The following INSR variants were observed in gnomAD, a reference collection of about 807,000 sequenced individuals.
INSR encodes IR.
A neutral mutation model predicts 142.6 loss-of-function variants in INSR; 67 were observed. That is an observed-to-expected ratio of 0.47 (90% CI 0.39 to 0.58). The LOEUF (loss-of-function observed/expected upper bound fraction) is 0.58. INSR is among the 20% of genes least tolerant of loss of function. INSR has a pLI of 0.00. For synonymous variants in INSR, 756 were observed against 743.1 expected, an observed-to-expected ratio of 1.02 and a Z score of -0.28; for missense variants, 1,248 against 1,833.2, an observed-to-expected ratio of 0.68 and a Z score of 5.83.
At chr19:7,249,715 G>A (rs937231025) in intron 2 of INSR, among the ~76,000 whole-genome samples, 2 of 152,136 alleles carry the variant, frequency 1.3e-5, no homozygotes, top group Non-Finnish European at 2.9e-5. Flanking sequence ...ATTAGCGGCT[G>A]GGCGCGGTGG....
intron 9 of INSR, among the ~76,000 whole-genome samples, chr19:7,160,530 C>T (rs894687100): frequency 2.6e-5 from 4 of 151,916 alleles, no homozygotes; most frequent in Non-Finnish European, 5.9e-5. Flanking sequence ...GAGGCTGAGG[C>T]GGGAAGATCG....
rs1209879174 is a variant in INSR, at chr19:7,274,841, T to C, written c.101-6945A>G. 2.0e-5 allele frequency among the ~76,000 whole-genome samples: 3 copies of C among 151,492 alleles called. No homozygotes were observed. The East Asian group carries it at 5.8e-4, about 29-fold the overall frequency. On this transcript the variant is annotated intron_variant, in intron 1 of 21. Transcript: ENST00000302850. ...AAAAAAATTGATTTGTCTATGTAGA[T>C]TTTATAAAGAGTATCATCGAAAATG...
chr19:7,126,517 A>T, intron 16 of INSR, 67 bp downstream of exon 16: 1 of 1,371,344 alleles, frequency 7.3e-7, no homozygotes, highest in Non-Finnish European at 1.0e-6. Flanking sequence ...ACTCTCACTC[A>T]ATGGTGAAGG....
rs980175653 is a variant in INSR at position 7,166,529 on chromosome 19, C to T, written c.1611-125G>A. The T allele has an allele frequency of 7.4e-6, 8 of 1,085,684 alleles. No homozygotes were observed. In the East Asian group the frequency reaches 7.7e-5, roughly 10 times the overall value. The allele number at this position is 1,085,684 out of a possible 1,614,324, so 67.3% of individuals were successfully genotyped here. On this transcript the variant is annotated intron_variant, in intron 7 of 21. Transcript: ENST00000302850. This position sits in a 1 kb window ranked among gnomAD's most constrained non-coding sequence, Gnocchi z 4.1. ...TGTTACTCACCCAACAATCTAATGC[C>T]ACAAGAAAAAATAACTCGGGAACAG...
intron 2 of INSR, among the ~76,000 whole-genome samples, chr19:7,241,558 G>A (rs1319888018): frequency 3.3e-5 from 5 of 152,004 alleles, no homozygotes; most frequent in Admixed American, 3.3e-4. Context: ...GGAGGCAGAG[G>A]TTGCAGTGAG....
chr19:7,237,802 C>T (rs530572372), intron 2 of INSR, among the ~76,000 whole-genome samples: 5 of 151,112 alleles, frequency 3.3e-5, no homozygotes, highest in Admixed American at 6.6e-5. Context: ...GGTGACAGAG[C>T]GAGACTCCAT....
intron 1 of INSR, among the ~76,000 whole-genome samples, chr19:7,281,326 A>T (rs567098832): frequency 2.8e-3 from 349 of 126,090 alleles, no homozygotes; most frequent in African/African-American, 0.011. Context: ...GTAGAATGAC[A>T]ACAACAAACA....
At chr19:7,259,076 CTTCT>C (rs1976980224) in intron 2 of INSR, among the ~76,000 whole-genome samples, 1 of 100,726 alleles carries the variant, frequency 9.9e-6, no homozygotes, top group East Asian at 2.5e-4. Flanking sequence ...TCCTTCCCTC[CTTCT>C]TTCCTTCCCG....
rs1188448989 is a variant in INSR at position 7,150,071 on chromosome 19, T to C, written c.2267+426A>G. Among the ~76,000 whole-genome samples, 2 of 152,156 alleles carry C rather than the reference T, an allele frequency of 1.3e-5. No homozygotes were observed. Among genetic ancestry groups the C allele is most frequent in the African/African-American group, 4.8e-5 (2 of 41,442 alleles). ...ACCCTGTCGCCCTTTCATGAAAATA[T>C]TCTGTTTCCAGATCAACCTCCATTC... On this transcript the variant is annotated intron_variant, in intron 11 of 21. Coordinates refer to ENST00000302850, the MANE Select transcript of INSR (RefSeq NM_000208.4). The surrounding 1 kb of genome is among the most constrained non-coding windows in gnomAD (Gnocchi z 4.2).
intron 19 of INSR, among the ~76,000 whole-genome samples, chr19:7,121,598 C>T (rs2144802192): frequency 6.6e-6 from 1 of 152,234 alleles, no homozygotes; most frequent in East Asian, 1.9e-4. Flanking sequence ...TCCTGAGTAG[C>T]TGGGACCACA....
chr19:7,121,756 C>T (rs1365869600), intron 19 of INSR, among the ~76,000 whole-genome samples: 2 of 152,216 alleles, frequency 1.3e-5, no homozygotes, highest in African/African-American at 2.4e-5. Flanking sequence ...GCGGGACCCC[C>T]GGTCCTACAA....
intron 10 of INSR, among the ~76,000 whole-genome samples, chr19:7,151,797 T>C (rs1973370174): frequency 6.6e-6 from 1 of 151,594 alleles, no homozygotes; most frequent in African/African-American, 2.4e-5. Context: ...ACAGATACTT[T>C]TAATTTTTTT....
chr19:7,273,952 C>T (rs1453225865), intron 1 of INSR, among the ~76,000 whole-genome samples: 1 of 151,806 alleles, frequency 6.6e-6, no homozygotes, highest in Non-Finnish European at 1.5e-5. Flanking sequence ...GAGATCATCC[C>T]GTCGCACTCC....
At chr19:7,234,319 G>A (rs931704535) in intron 2 of INSR, among the ~76,000 whole-genome samples, 25 of 152,142 alleles carry the variant, frequency 1.6e-4, no homozygotes, top group African/African-American at 3.4e-4. Flanking sequence ...CAATCTTCCC[G>A]TCTCAGCCTC....
intron 2 of INSR, among the ~76,000 whole-genome samples, chr19:7,256,117 T>G (rs1976882943): frequency 6.6e-6 from 1 of 152,104 alleles, no homozygotes; most frequent in Admixed American, 6.6e-5. Flanking sequence ...TTTTTAAAAT[T>G]TATTTTATTT....
At chr19:7,237,126 A>G (rs1270876164) in intron 2 of INSR, among the ~76,000 whole-genome samples, 6 of 152,052 alleles carry the variant, frequency 3.9e-5, no homozygotes, top group Non-Finnish European at 7.4e-5. Flanking sequence ...TTCAGTGTAT[A>G]CTGCTCGGGT....
At chr19:7,124,712 C>G (rs1238241093) in intron 17 of INSR, among the ~76,000 whole-genome samples, 2 of 141,608 alleles carry the variant, frequency 1.4e-5, no homozygotes, top group Non-Finnish European at 3.0e-5. Context: ...GGGCAGGTAT[C>G]CACTGTATCA....
chr19:7,151,854 G>A (rs79476774), intron 10 of INSR: 12,926 of 152,180 alleles, frequency 0.085, 1,271 homozygotes, highest in East Asian at 0.49. Flanking sequence ...GCGCAGTGGC[G>A]CCATCATCGC....
chr19:7,133,776 T>C (rs1345953796), intron 13 of INSR, among the ~76,000 whole-genome samples: 1 of 152,018 alleles, frequency 6.6e-6, no homozygotes, highest in Non-Finnish European at 1.5e-5. Context: ...ACAGGAGAAT[T>C]ACTTGAACCC....
Sources: gnomAD v4.1 joint callset for allele counts (sites outside exome capture counted in the v4.1 genomes callset) on GRCh38, gnomAD v4.1.1 for gene constraint, Gnocchi (gnomAD v3.1) non-coding constraint, MANE v1.5 for transcripts, NCBI Gene and HGNC (gene_info 2026-07-23, HGNC 2026-07-21) for gene names.